PIP5K1B: variants seen among roughly 807,000 people sequenced by gnomAD.
PIP5K1B encodes phosphatidylinositol-4-phosphate 5-kinase type 1 beta.
In PIP5K1B, 42 loss-of-function variants were observed where a neutral mutation model predicts 67.0. That is an observed-to-expected ratio of 0.63 (90% confidence interval 0.49 to 0.81). The LOEUF (loss-of-function observed/expected upper bound fraction) is 0.81. Among genes scored for constraint, PIP5K1B ranks in the 30% least tolerant of loss-of-function variants. The pLI, the probability that PIP5K1B is intolerant of heterozygous loss-of-function variation, is 0.00. For missense variants in PIP5K1B, 459 were observed against 646.3 expected, an observed-to-expected ratio of 0.71 and a Z score of 3.14; for synonymous variants, 214 against 231.4, an observed-to-expected ratio of 0.92 and a Z score of 0.68.
At chr9:68,837,684 C>T (rs1471906271) in intron 4 of PIP5K1B, among the ~76,000 whole-genome samples, 1 of 127,528 alleles carries the variant, frequency 7.8e-6, no homozygotes, top group Admixed American at 8.0e-5. Flanking sequence ...TTTATCTTTG[C>T]TCTTATTTTG....
rs571383439 is a variant in PIP5K1B, at chr9:68,791,204, G to A, written c.-85-27257G>A. Among the ~76,000 whole-genome samples, 8 of 152,276 alleles carry A rather than the reference G, an allele frequency of 5.3e-5. No homozygotes were observed. In the East Asian group the frequency reaches 7.7e-4, roughly 15 times the overall value. ...AGTAAAATGGTTGTTTGAGGTAATC[G>A]CTCCTGGGATTCGGCAATCCATCTC... On this transcript the variant is annotated intron_variant, in intron 2 of 15. Transcript: ENST00000265382.
chr9:68,961,736 C>G (rs535435734), intron 14 of PIP5K1B, among the ~76,000 whole-genome samples: 4 of 152,200 alleles, frequency 2.6e-5, no homozygotes, highest in African/African-American at 9.6e-5. Context: ...CTAGTACCCT[C>G]CTTATCTCCT....
At chr9:68,840,763 A>T (rs1181588975) in intron 4 of PIP5K1B, among the ~76,000 whole-genome samples, 2 of 152,182 alleles carry the variant, frequency 1.3e-5, no homozygotes, top group Non-Finnish European at 2.9e-5. Context: ...AGTCTAGGAC[A>T]ATCTCCCTAA....
intron 2 of PIP5K1B, among the ~76,000 whole-genome samples, chr9:68,815,655 C>T (rs7035999): frequency 0.19 from 28,679 of 151,556 alleles, 2,767 homozygotes; most frequent in East Asian, 0.24. Context: ...CAGAAAAAAA[C>T]GTGAGTGCGT....
intron 15 of PIP5K1B, among the ~76,000 whole-genome samples, chr9:69,007,811 C>T (rs1831159997): frequency 6.6e-6 from 1 of 151,648 alleles, no homozygotes; most frequent in South Asian, 2.1e-4. Flanking sequence ...GAGCTGAGAT[C>T]TTGCCACTGC....
chr9:68,763,013 CACAA>C (rs1657014640), intron 2 of PIP5K1B, among the ~76,000 whole-genome samples: 1 of 152,076 alleles, frequency 6.6e-6, no homozygotes, highest in South Asian at 2.1e-4. Flanking sequence ...GGAACAGATT[CACAA>C]ACAGACTCAT....
At chr9:69,000,835 G>A (rs1198610013) in intron 15 of PIP5K1B, among the ~76,000 whole-genome samples, 1 of 151,806 alleles carries the variant, frequency 6.6e-6, no homozygotes, top group East Asian at 1.9e-4. Flanking sequence ...GGGTGTTTTT[G>A]TAAAGGAAAA....
intron 5 of PIP5K1B, among the ~76,000 whole-genome samples, chr9:68,868,811 A>G (rs756756676): frequency 1.6e-4 from 24 of 152,300 alleles, no homozygotes; most frequent in Non-Finnish European, 2.9e-4. Context: ...AAGCCCCTAT[A>G]TTTCAGTCTC....
chr9:68,991,917 C>A lies in PIP5K1B; in HGVS notation c.1620+660C>A, dbSNP rs898910328. 1.6e-4 allele frequency among the ~76,000 whole-genome samples: 24 copies of A among 152,238 alleles called. No homozygotes were observed. In the South Asian group the frequency reaches 3.1e-3, roughly 20 times the overall value. ...ACACTGTAAAAGAGTATTTTCTGTG[C>A]CAAGTGCATCTTGCATGTATGCTAC... On this transcript the variant is annotated intron_variant, in intron 15 of 15. Transcript: ENST00000265382.
At chr9:68,962,142 A>G (rs1173890395) in intron 14 of PIP5K1B, among the ~76,000 whole-genome samples, 2 of 152,264 alleles carry the variant, frequency 1.3e-5, no homozygotes, top group African/African-American at 2.4e-5. Context: ...GCTCTCTCCA[A>G]TTATTCAAGG....
intron 2 of PIP5K1B, chr9:68,779,924 C>T: frequency 4.3e-6 from 2 of 462,498 alleles, no homozygotes; most frequent in Non-Finnish European, 3.7e-6. Flanking sequence ...AAGGAATATA[C>T]GGACTAGCGG....
chr9:68,854,918 C>A (rs1041040832), intron 4 of PIP5K1B, among the ~76,000 whole-genome samples: 1 of 152,062 alleles, frequency 6.6e-6, no homozygotes, highest in African/African-American at 2.4e-5. Flanking sequence ...TTGTGTCCTG[C>A]TTTTTAAACT....
chr9:68,749,422 G>T (rs1829504350), intron 2 of PIP5K1B, among the ~76,000 whole-genome samples: 1 of 152,162 alleles, frequency 6.6e-6, no homozygotes, highest in African/African-American at 2.4e-5. Flanking sequence ...GCATGACCCT[G>T]CCAGCACCTC....
chr9:69,000,101 C>T (rs1830753935), intron 15 of PIP5K1B, among the ~76,000 whole-genome samples: 1 of 152,112 alleles, frequency 6.6e-6, no homozygotes, highest in East Asian at 1.9e-4. Flanking sequence ...CAAGTGTGCC[C>T]CCCTCATCCA....
intron 2 of PIP5K1B, chr9:68,780,657 G>T (rs762685449): frequency 6.2e-7 from 1 of 1,614,206 alleles, no homozygotes. Context: ...GCAAAGTTTT[G>T]TAAGTAGCAA....
intron 5 of PIP5K1B, among the ~76,000 whole-genome samples, chr9:68,874,224 G>A (rs2132307476): frequency 6.6e-6 from 1 of 152,264 alleles, no homozygotes; most frequent in African/African-American, 2.4e-5. Context: ...AGGTAAGCCT[G>A]CCTCACAGTT....
chr9:68,779,903 G>C, intron 2 of PIP5K1B: 1 of 439,096 alleles, frequency 2.3e-6, no homozygotes. Context: ...GCGCTCAATA[G>C]CTATTTGCCG....
chr9:68,918,521 G>A (rs1826213411), intron 9 of PIP5K1B, among the ~76,000 whole-genome samples: 1 of 152,226 alleles, frequency 6.6e-6, no homozygotes, highest in South Asian at 2.1e-4. Context: ...TCAGCCAGAT[G>A]TGGTAGTAAC....
chr9:68,764,895 T>C lies in PIP5K1B; in HGVS notation c.-86+22238T>C, dbSNP rs1169887456. 2.0e-5 allele frequency among the ~76,000 whole-genome samples: 3 copies of C among 152,096 alleles called. No homozygotes were observed. The East Asian group carries it at 5.8e-4, about 29-fold the overall frequency. On this transcript the variant is annotated intron_variant, in intron 2 of 15. Transcript: ENST00000265382. ...GATGGTTATTTAAAATACTGAAGCATTTTAAGCTAAATAAAACTAATTTTA... is the reference window on the plus strand; with the variant it reads ...GATGGTTATTTAAAATACTGAAGCACTTTAAGCTAAATAAAACTAATTTTA...
Sources: gnomAD v4.1 joint callset for allele counts (sites outside exome capture counted in the v4.1 genomes callset) on GRCh38, gnomAD v4.1.1 for gene constraint, MANE v1.5 for transcripts, NCBI Gene and HGNC (gene_info 2026-07-23, HGNC 2026-07-21) for gene names.